The following ACSS1 variants were observed in gnomAD, a reference collection of about 807,000 sequenced individuals.
The protein encoded by ACSS1 is acyl-CoA synthetase short chain family member 1.
ACSS1 carries 42 observed loss-of-function variants against 75.3 expected under a neutral mutation model. The observed-to-expected ratio is 0.56, with a 90% CI of 0.44 to 0.72. ACSS1 has a LOEUF of 0.72. ACSS1 is among the 30% of genes least tolerant of loss of function. ACSS1 has a pLI of 0.00. For synonymous variants in ACSS1, 380 were observed against 376.8 expected, an observed-to-expected ratio of 1.01 and a Z score of -0.10; for missense variants, 782 against 935.7, an observed-to-expected ratio of 0.84 and a Z score of 2.14.
chr20:25,029,793 T>C (rs935324797), intron 3 of ACSS1, among the ~76,000 whole-genome samples: 2 of 152,248 alleles, frequency 1.3e-5, no homozygotes, highest in Admixed American at 6.5e-5. Flanking sequence ...TTAATGTGAC[T>C]GAATTGTACA....
intron 2 of ACSS1, among the ~76,000 whole-genome samples, chr20:25,047,706 C>CT (rs1568849256): frequency 6.6e-6 from 1 of 152,140 alleles, no homozygotes; most frequent in Admixed American, 6.5e-5. Context: ...ACAGCAGCCC[C>CT]TACAGGAAGC....
At chr20:25,015,068 A>G in intron 8 of ACSS1, 70 bp downstream of exon 8, 1 of 1,372,626 alleles carries the variant, frequency 7.3e-7, no homozygotes. Context: ...CTTGGACCCC[A>G]GTCCCAGCCT....
Position 25,032,709 on chromosome 20 carries a change from C to T in ACSS1, c.432-1751G>A, listed in dbSNP as rs537813381. 6.5e-5 allele frequency: 76 copies of T among 1,163,456 alleles called. No individual in the cohort carries two copies. The Middle Eastern group carries it at 3.4e-3, about 53-fold the overall frequency. 72.1% of individuals were successfully genotyped at this position (1,163,456 alleles called of 1,614,324 possible). On this transcript the variant is annotated intron_variant, in intron 2 of 13. Coordinates refer to ENST00000323482, the MANE Select transcript of ACSS1 (RefSeq NM_032501.4). ...AAAGGGTAGTCAAGGAAAGGGCTCCCGAGAACAGTGAAGCTCAACGAGGCC... is the reference window on the plus strand; with the variant it reads ...AAAGGGTAGTCAAGGAAAGGGCTCCTGAGAACAGTGAAGCTCAACGAGGCC...
intron 3 of ACSS1, among the ~76,000 whole-genome samples, chr20:25,024,572 G>A (rs1185131919): frequency 6.6e-6 from 1 of 152,142 alleles, no homozygotes; most frequent in Non-Finnish European, 1.5e-5. Context: ...GGGAACCCTC[G>A]ACCAATGGCT....
At position 25,033,159 on chromosome 20, in the gene ACSS1, A is replaced by G. The variant is rs183807554; in HGVS notation, c.432-2201T>C. 9.8e-3 allele frequency among the ~76,000 whole-genome samples: 1,341 copies of G among 136,676 alleles called. 26 individuals carry two copies. The highest frequency in any genetic ancestry group is 0.036 in the African/African-American group (1,278 of 35,280). 89.7% of individuals were successfully genotyped at this position (136,676 alleles called of 152,430 possible). On this transcript the variant is annotated intron_variant, in intron 2 of 13. Coordinates refer to ENST00000323482, the MANE Select transcript of ACSS1 (RefSeq NM_032501.4). ...GGGAGCCGTGGTCCAGAGTCACTCA[A>G]CATCTTCAGCCAGATTCCGTTTTCA...
chr20:25,037,037 G>GAA (rs1182478920), intron 2 of ACSS1, among the ~76,000 whole-genome samples: 19 of 151,630 alleles, frequency 1.3e-4, no homozygotes, highest in African/African-American at 4.1e-4. Context: ...AGGAAAGAAA[G>GAA]AAAGAGGGAA....
intron 2 of ACSS1, among the ~76,000 whole-genome samples, chr20:25,035,185 G>C (rs955861611): frequency 6.6e-6 from 1 of 151,186 alleles, no homozygotes; most frequent in Non-Finnish European, 1.5e-5. Flanking sequence ...GTGAGCCACC[G>C]CACCCGGCCG....
At chr20:25,022,422 G>A (rs1476055574) in intron 5 of ACSS1, among the ~76,000 whole-genome samples, 2 of 152,184 alleles carry the variant, frequency 1.3e-5, no homozygotes, top group African/African-American at 4.8e-5. Context: ...ATTGGCAACA[G>A]TAAGCTACAG....
At chr20:25,051,182 G>A (rs940272010) in intron 1 of ACSS1, among the ~76,000 whole-genome samples, 5 of 152,100 alleles carry the variant, frequency 3.3e-5, no homozygotes, top group Non-Finnish European at 7.4e-5. Flanking sequence ...TCACTCTCCC[G>A]AGCACCTCAC....
rs951107691 is a variant in ACSS1, at chr20:25,007,202, G to A, written c.*560C>T. 2.5e-6 allele frequency: 3 copies of A among 1,222,282 alleles called. No individual in the cohort carries two copies. Among genetic ancestry groups the A allele is most frequent in the Non-Finnish European group, 3.1e-6 (3 of 976,986 alleles). The allele number at this position is 1,222,282 out of a possible 1,614,324, so 75.7% of individuals were successfully genotyped here. A position where few individuals can be genotyped will look rare whatever the true frequency, so the allele number is the denominator to read the frequency against. On this transcript the variant is annotated 3_prime_UTR_variant, in exon 14 of 14. Transcript: ENST00000323482. The stretch of plus-strand genomic sequence containing the variant: ...TACACTAACAATAATTAAAAATGTG[G>A]CCTCTGATCCTCATGTTTCCTCACC...
At position 25,013,958 on chromosome 20, in the gene ACSS1, C is replaced by A; in HGVS notation, c.1452+3G>T. On this transcript the variant is annotated splice_donor_region_variant and intron_variant, in intron 9 of 13. Coordinates refer to ENST00000323482, the MANE Select transcript of ACSS1 (RefSeq NM_032501.4). Reference sequence around the variant, plus strand: ...CCCCCATGTGGGGGAGGCCCATACACACCTTCTCATCCATGAGGACGGGGA... The same window carrying A: ...CCCCCATGTGGGGGAGGCCCATACAAACCTTCTCATCCATGAGGACGGGGA... 6.2e-7 allele frequency: 1 copy of A among 1,612,896 alleles called. No individual in the cohort carries two copies. The highest frequency in any genetic ancestry group is 1.3e-5 in the African/African-American group (1 of 75,038).
intron 2 of ACSS1, among the ~76,000 whole-genome samples, chr20:25,035,365 T>G (rs907873108): frequency 6.6e-6 from 1 of 152,006 alleles, no homozygotes; most frequent in African/African-American, 2.4e-5. Flanking sequence ...TTTCCATTTA[T>G]CCCAATCTAA....
Position 25,014,004 on chromosome 20 carries a change from A to G in ACSS1, c.1409T>C (p.Met470Thr). 6.2e-7 allele frequency: 1 copy of G among 1,613,956 alleles called. No homozygotes were observed. The highest frequency in any genetic ancestry group is 1.1e-5 in the South Asian group (1 of 91,044). ...GGGGACGATGCCAAAGAAGGGCCTC[A>G]TCGCCATGGCAGGGAGGATTTCCGC... The part of the protein sequence containing the change: ...EGAEILPAMA[M>T]RPFFGIVPVL... The change falls in exon 9 of 14, where the codon ATG becomes ACG. Residue 470 changes from methionine to threonine, a missense_variant. Met to Thr is a moderately conservative substitution (Grantham distance 81). This residue lies in a region of ACSS1 where 405 missense variants were observed against 552.6 expected (regional missense o/e 0.73). Coordinates refer to ENST00000323482, the MANE Select transcript of ACSS1 (RefSeq NM_032501.4).
Position 25,041,074 on chromosome 20 carries a change from C to A in ACSS1, c.431+7011G>T, listed in dbSNP as rs564736491. On this transcript the variant is annotated intron_variant, in intron 2 of 13. Coordinates refer to ENST00000323482, the MANE Select transcript of ACSS1 (RefSeq NM_032501.4). Reference sequence around the variant, plus strand: ...GAGATTGAGACCATCCTGGCTAACACGGTGAAACCCCGTCTCTATTAAAAA... The same window carrying A: ...GAGATTGAGACCATCCTGGCTAACAAGGTGAAACCCCGTCTCTATTAAAAA... Among the ~76,000 whole-genome samples, 9 of 152,162 alleles carry A rather than the reference C, an allele frequency of 5.9e-5. 1 individual carries two copies. The East Asian group carries it at 1.7e-3, about 30-fold the overall frequency.
chr20:25,032,396 T>C, intron 2 of ACSS1: 1 of 1,406,654 alleles, frequency 7.1e-7, no homozygotes, highest in Admixed American at 2.7e-5. Context: ...GTGGAGGAAG[T>C]GGAAGCGATC....
At position 25,057,754 on chromosome 20, in the gene ACSS1, C is replaced by T. The variant is rs2089263946; in HGVS notation, c.334+15G>A. ...AAGAGTTGGGGGCGTCCTGGGTCTCCCGAAGCCCACTCACCAGAGACATTT... is the reference window on the plus strand; with the variant it reads ...AAGAGTTGGGGGCGTCCTGGGTCTCTCGAAGCCCACTCACCAGAGACATTT... On this transcript the variant is annotated intron_variant, in intron 1 of 13. Coordinates refer to ENST00000323482, the MANE Select transcript of ACSS1 (RefSeq NM_032501.4). The T allele has an allele frequency of 6.5e-7, 1 of 1,545,542 alleles. No individual in the cohort carries two copies. The highest frequency in any genetic ancestry group is 8.8e-7 in the Non-Finnish European group (1 of 1,134,822).
chr20:25,032,274 G>A, intron 2 of ACSS1: 1 of 1,112,658 alleles, frequency 9.0e-7, no homozygotes. Flanking sequence ...CAAGCTGATT[G>A]GCTCAGGGCC....
intron 1 of ACSS1, among the ~76,000 whole-genome samples, chr20:25,051,313 A>T (rs1039303163): frequency 5.3e-5 from 8 of 152,228 alleles, no homozygotes; most frequent in African/African-American, 1.9e-4. Context: ...CAGAGCACAG[A>T]GCTGAGGAAC....
chr20:25,052,330 T>G (rs1368799632), intron 1 of ACSS1, among the ~76,000 whole-genome samples: 1 of 152,206 alleles, frequency 6.6e-6, no homozygotes, highest in East Asian at 1.9e-4. Context: ...CCCATGGCAA[T>G]TTAAAGTGTA....
Sources: gnomAD v4.1 joint callset for allele counts (sites outside exome capture counted in the v4.1 genomes callset) on GRCh38, gnomAD v4.1.1 for gene constraint, gnomAD v4.1.1 regional missense constraint, MANE v1.5 for transcripts, NCBI Gene and HGNC (gene_info 2026-07-23, HGNC 2026-07-21) for gene names.